The following ZFYVE28 variants were observed in gnomAD, a reference collection of about 807,000 sequenced individuals.
ZFYVE28 encodes zinc finger FYVE-type containing 28.
In ZFYVE28, 40 loss-of-function variants were observed where a neutral mutation model predicts 82.1. The ratio of observed to expected loss-of-function variants is 0.49; its 90% CI spans 0.38 to 0.63. The LOEUF is 0.63. ZFYVE28 is among the 30% of genes least tolerant of loss of function. The pLI is 0.00. For synonymous variants in ZFYVE28, 612 were observed against 546.1 expected, an observed-to-expected ratio of 1.12 and a Z score of -1.68; for missense variants, 1,321 against 1,242.1, an observed-to-expected ratio of 1.06 and a Z score of -0.96.
At position 2,372,893 on chromosome 4, in the gene ZFYVE28, C is replaced by T. The variant is rs888833953; in HGVS notation, c.40-18820G>A. On this transcript the variant is annotated intron_variant, in intron 1 of 12. Transcript: ENST00000290974. This position sits in a 1 kb window ranked among gnomAD's most constrained non-coding sequence, Gnocchi z 5.2. ...TACCCAGGGGCCCTCCTAGCACCCCCAGCCTCTCTGCCAGCCAACCTTGGA... is the reference window on the plus strand; with the variant it reads ...TACCCAGGGGCCCTCCTAGCACCCCTAGCCTCTCTGCCAGCCAACCTTGGA... Among the ~76,000 whole-genome samples, 1 of 152,140 alleles carries T rather than the reference C, an allele frequency of 6.6e-6. No individual in the cohort carries two copies. The highest frequency in any genetic ancestry group is 2.4e-5 in the African/African-American group (1 of 41,438).
At chr4:2,405,129 T>A (rs1731723607) in intron 1 of ZFYVE28, among the ~76,000 whole-genome samples, 1 of 152,216 alleles carries the variant, frequency 6.6e-6, no homozygotes, top group South Asian at 2.1e-4. Flanking sequence ...CAAAGGCATA[T>A]CCTTGGATAG....
chr4:2,305,138 A>G lies in ZFYVE28; in HGVS notation c.1202T>C (p.Phe401Ser). Residue 401 changes from phenylalanine to serine, a missense_variant, in exon 8 of 13, where the codon TTC (phenylalanine) becomes TCC (serine). Phe to Ser is a radical substitution (Grantham distance 155). Around this residue, in one of 2 missense-constraint regions of ZFYVE28, gnomAD observed 978 missense variants for 833.7 expected, o/e 1.17. Coordinates refer to ENST00000290974, the MANE Select transcript of ZFYVE28 (RefSeq NM_020972.3). ...RSGSDEEERV[F>S]FMDDVEGTAE... The stretch of plus-strand genomic sequence containing the variant: ...CGTCCCCTCCACGTCATCCATGAAG[A>G]ACACGCGCTCCTCCTCGTCACTGCC... The G allele has an allele frequency of 6.3e-7, 1 of 1,589,882 alleles. No homozygotes were observed. The highest frequency in any genetic ancestry group is 8.6e-7 in the Non-Finnish European group (1 of 1,166,694).
Position 2,297,013 on chromosome 4 carries a change from C to T in ZFYVE28, c.2051+7276G>A, listed in dbSNP as rs73797711. Among the ~76,000 whole-genome samples, 1,278 of 152,346 alleles carry T rather than the reference C, an allele frequency of 8.4e-3. 20 individuals are homozygous for T. Among genetic ancestry groups the T allele is most frequent in the African/African-American group, 0.029 (1,222 of 41,588 alleles). Reference sequence around the variant, plus strand: ...TTCCGGGCCACCGAGGCCACAGCACCGCATGGCCCTTGGTTGAGGCCCCAC... The same window carrying T: ...TTCCGGGCCACCGAGGCCACAGCACTGCATGGCCCTTGGTTGAGGCCCCAC... On this transcript the variant is annotated intron_variant, in intron 8 of 12. Transcript: ENST00000290974.
intron 1 of ZFYVE28, among the ~76,000 whole-genome samples, chr4:2,382,230 C>A (rs895358253): frequency 1.3e-4 from 20 of 152,250 alleles, no homozygotes; most frequent in African/African-American, 4.8e-4. Context: ...GGAGCCCCCA[C>A]ACAGAGTCCC....
At position 2,345,854 on chromosome 4, in the gene ZFYVE28, G is replaced by A. The variant is rs1466007976; in HGVS notation, c.181-4239C>T. 3.9e-5 allele frequency among the ~76,000 whole-genome samples: 6 copies of A among 151,944 alleles called. 1 individual carries two copies. The highest frequency in any genetic ancestry group is 3.9e-4 in the Admixed American group (6 of 15,256). On this transcript the variant is annotated intron_variant, in intron 2 of 12. Transcript: ENST00000290974. ...AAAAATGGCATTAGATTTTTCATCC[G>A]AAATAATACAAGTGAGAAGAGAATG... is the stretch of plus-strand genomic sequence containing the variant.
chr4:2,325,032 T>C (rs1480546536), intron 6 of ZFYVE28: 1 of 154,904 alleles, frequency 6.5e-6, no homozygotes, highest in Non-Finnish European at 1.4e-5. Context: ...ATAACTAGAA[T>C]GCAAATTGTA....
rs1204923163 is a variant in ZFYVE28 at position 2,296,293 on chromosome 4, C to T, written c.2051+7996G>A. Among the ~76,000 whole-genome samples the T allele has an allele frequency of 4.6e-5, 7 of 152,178 alleles. 1 individual carries two copies. Among genetic ancestry groups the T allele is most frequent in the Admixed American group, 4.6e-4 (7 of 15,276 alleles). On this transcript the variant is annotated intron_variant, in intron 8 of 12. Transcript: ENST00000290974. ...ACTGTCCCTTGTGGGGTTCTGGTGA[C>T]ACAGGCATCACCGAGCTTGCTAAGG...
chr4:2,373,721 C>T (rs968089292), intron 1 of ZFYVE28, among the ~76,000 whole-genome samples: 4 of 152,158 alleles, frequency 2.6e-5, no homozygotes, highest in African/African-American at 7.2e-5. Context: ...CCGTTCCCCA[C>T]GGAGCCCCTC....
chr4:2,357,411 G>A (rs1434186072), intron 1 of ZFYVE28, among the ~76,000 whole-genome samples: 1 of 152,224 alleles, frequency 6.6e-6, no homozygotes, highest in Non-Finnish European at 1.5e-5. Flanking sequence ...TGAACCAGGA[G>A]GGAGCATGGC....
At chr4:2,405,740 C>T (rs992928131) in intron 1 of ZFYVE28, among the ~76,000 whole-genome samples, 2 of 152,236 alleles carry the variant, frequency 1.3e-5, no homozygotes, top group African/African-American at 4.8e-5. Context: ...TCTCTTGGTT[C>T]TTTCAACAGT....
chr4:2,339,482 G>C lies in ZFYVE28; in HGVS notation c.492C>G (p.Phe164Leu), dbSNP rs760074037. The C allele has an allele frequency of 1.9e-6, 3 of 1,613,932 alleles. No individual in the cohort carries two copies. The highest frequency in any genetic ancestry group is 1.7e-4 in the Middle Eastern group (1 of 6,060). ...TEKMREALRH[F>L]DVLFAEFELS... The stretch of plus-strand genomic sequence containing the variant: ...GCTCAAACTCTGCGAACAGGACGTC[G>C]AAGTGCCTCAGCGCTTCCCTCATCT... Residue 164 changes from phenylalanine (F) to leucine (L), a missense_variant, in exon 4 of 13, where the codon TTC (phenylalanine) becomes TTG (leucine). Around this residue, in one of 2 missense-constraint regions of ZFYVE28, gnomAD observed 343 missense variants for 408.4 expected, o/e 0.84. Transcript: ENST00000290974. The surrounding 1 kb of genome is among the most constrained non-coding windows in gnomAD (Gnocchi z 5.0).
chr4:2,289,993 A>G (rs1296432642), intron 8 of ZFYVE28, among the ~76,000 whole-genome samples: 1 of 152,170 alleles, frequency 6.6e-6, no homozygotes, highest in Non-Finnish European at 1.5e-5. Flanking sequence ...AGACACAGAC[A>G]GACAGTGGAC....
At chr4:2,395,789 G>A (rs927195264) in intron 1 of ZFYVE28, among the ~76,000 whole-genome samples, 4 of 152,200 alleles carry the variant, frequency 2.6e-5, no homozygotes, top group African/African-American at 7.2e-5. Context: ...CCCAGATAAC[G>A]GTCCAAGATA....
intron 1 of ZFYVE28, among the ~76,000 whole-genome samples, chr4:2,374,973 G>A (rs1488225787): frequency 6.6e-6 from 1 of 152,212 alleles, no homozygotes; most frequent in Non-Finnish European, 1.5e-5. Flanking sequence ...CAGTCCTCCT[G>A]TGGAAGACCC....
chr4:2,398,132 G>C (rs3128791), intron 1 of ZFYVE28, among the ~76,000 whole-genome samples: 82,857 of 151,742 alleles, frequency 0.55, 23,576 homozygotes, highest in Admixed American at 0.67. Flanking sequence ...GGAGATACAA[G>C]TGTGAGGCAC....
intron 1 of ZFYVE28, among the ~76,000 whole-genome samples, chr4:2,395,013 C>T (rs1730278255): frequency 6.6e-6 from 1 of 152,242 alleles, no homozygotes; most frequent in African/African-American, 2.4e-5. Flanking sequence ...AATGAAATGG[C>T]ACAGGGTGTA....
At chr4:2,331,952 C>T (rs1181422448) in intron 6 of ZFYVE28, among the ~76,000 whole-genome samples, 1 of 152,224 alleles carries the variant, frequency 6.6e-6, no homozygotes, top group African/African-American at 2.4e-5. Context: ...GGCTCTGACC[C>T]TCGGGTGGGC....
At chr4:2,385,235 A>C (rs1305313468) in intron 1 of ZFYVE28, among the ~76,000 whole-genome samples, 1 of 152,204 alleles carries the variant, frequency 6.6e-6, no homozygotes, top group African/African-American at 2.4e-5. Context: ...ATGGAGGAGC[A>C]CAGTGATGAC....
intron 7 of ZFYVE28, among the ~76,000 whole-genome samples, chr4:2,319,602 G>A (rs1578068848): frequency 2.0e-5 from 3 of 152,208 alleles, no homozygotes; most frequent in African/African-American, 2.4e-5. Flanking sequence ...TGGGCTTCAC[G>A]TGGCCCCCGT....
Sources: allele counts gnomAD v4.1 joint callset (sites outside exome capture counted in the v4.1 genomes callset), GRCh38; gene constraint gnomAD v4.1.1; regional missense constraint gnomAD v4.1.1; non-coding constraint Gnocchi (gnomAD v3.1); transcripts MANE v1.5; gene names NCBI Gene and HGNC (gene_info 2026-07-23, HGNC 2026-07-21).